FAM174B: variants seen among roughly 807,000 people sequenced by gnomAD.
FAM174B encodes family with sequence similarity 174 member B.
In FAM174B, 12 loss-of-function variants were observed where a neutral mutation model predicts 10.9. The observed-to-expected ratio is 1.10, with a 90% CI of 0.71 to 1.79. FAM174B has a LOEUF of 1.79. FAM174B is among the 40% of genes most tolerant of loss of function. The pLI, the probability that FAM174B is intolerant of heterozygous loss-of-function variation, is 0.00. For missense variants in FAM174B, 266 were observed against 233.3 expected, an observed-to-expected ratio of 1.14 and a Z score of -0.91; for synonymous variants, 132 against 115.8, an observed-to-expected ratio of 1.14 and a Z score of -0.90.
At position 92,619,213 on chromosome 15, in the gene FAM174B, G is replaced by A. The variant is rs187921753; in HGVS notation, c.*243C>T. On this transcript the variant is annotated 3_prime_UTR_variant, in exon 3 of 3. Transcript: ENST00000327355. Reference sequence around the variant, plus strand: ...TCTTACATGGGGAGTAGAAGTAGGGGGCACTTTAAAGGGATGCCCAAAGGG... The same window carrying A: ...TCTTACATGGGGAGTAGAAGTAGGGAGCACTTTAAAGGGATGCCCAAAGGG... 1.6e-5 allele frequency: 11 copies of A among 703,170 alleles called. No individual in the cohort carries two copies. Among genetic ancestry groups the A allele is most frequent in the African/African-American group, 8.7e-5 (5 of 57,362 alleles). The allele number at this position is 703,170 out of a possible 1,614,324, so 43.6% of individuals were successfully genotyped here.
At chr15:92,649,149 C>T (rs2050948089) in intron 1 of FAM174B, among the ~76,000 whole-genome samples, 1 of 152,218 alleles carries the variant, frequency 6.6e-6, no homozygotes, top group Non-Finnish European at 1.5e-5. Flanking sequence ...CAAAGACACC[C>T]ATACACAAAG....
chr15:92,637,518 C>T (rs185499605), intron 1 of FAM174B, among the ~76,000 whole-genome samples: 3 of 152,348 alleles, frequency 2.0e-5, no homozygotes, highest in Non-Finnish European at 2.9e-5. Flanking sequence ...AGGGAAACCA[C>T]CACTGTAATC....
intron 1 of FAM174B, among the ~76,000 whole-genome samples, chr15:92,647,371 G>A (rs2050935205): frequency 6.6e-6 from 1 of 152,090 alleles, no homozygotes; most frequent in South Asian, 2.1e-4. Context: ...TTTAATACAT[G>A]GCTCCCCTGT....
intron 1 of FAM174B, among the ~76,000 whole-genome samples, chr15:92,653,535 C>CAGGCCCGCATCGGGCATGG (rs2050980806): frequency 1.3e-5 from 2 of 152,258 alleles, no homozygotes; most frequent in South Asian, 4.1e-4. Flanking sequence ...TGCTGAATGG[C>CAGGCCCGCATCGGGCATGG]AGGCCCGCAT....
At chr15:92,633,877 T>C (rs1415621849) in intron 1 of FAM174B, among the ~76,000 whole-genome samples, 1 of 152,000 alleles carries the variant, frequency 6.6e-6, no homozygotes, top group Non-Finnish European at 1.5e-5. Flanking sequence ...ACCAATTCCA[T>C]CTCAACACTG....
At chr15:92,648,204 C>T (rs2050941212) in intron 1 of FAM174B, among the ~76,000 whole-genome samples, 2 of 152,214 alleles carry the variant, frequency 1.3e-5, no homozygotes, top group South Asian at 4.1e-4. Context: ...CCACCTCGGG[C>T]CCACGTTCTC....
chr15:92,653,982 G>A (rs2050984299), intron 1 of FAM174B, among the ~76,000 whole-genome samples: 1 of 152,228 alleles, frequency 6.6e-6, no homozygotes, highest in Non-Finnish European at 1.5e-5. Context: ...AGAGTGGGAA[G>A]AAGACAGGAG....
At chr15:92,640,409 G>A (rs111850677) in intron 1 of FAM174B, among the ~76,000 whole-genome samples, 23 of 151,838 alleles carry the variant, frequency 1.5e-4, no homozygotes, top group South Asian at 4.2e-4. Context: ...AAAATTAGCC[G>A]GGCATGGTGG....
rs1283450355 is a variant in FAM174B at position 92,655,414 on chromosome 15, G to A, written c.246C>T (p.Ser82=). 6.3e-7 allele frequency: 1 copy of A among 1,599,752 alleles called. No individual in the cohort carries two copies. Among genetic ancestry groups the A allele is most frequent in the African/African-American group, 1.4e-5 (1 of 72,898 alleles). Residue 82 remains serine (S), a synonymous_variant, in exon 1 of 3, where the codon TCC becomes TCT. Transcript: ENST00000327355. ...GGGTGGGTAGGTCGCGGAGGAGGAT[G>A]GAAATGCGGGTCACCAAGGCGTCGC... ...SSGDALVTRI[S]ILLRDLPTLK...
chr15:92,644,803 G>A (rs551449603), intron 1 of FAM174B, among the ~76,000 whole-genome samples: 1 of 152,344 alleles, frequency 6.6e-6, no homozygotes, highest in African/African-American at 2.4e-5. Flanking sequence ...GCGGCACCCT[G>A]CCCAGCCTAG....
In FAM174B at chr15:92,630,128, G is replaced by T. The variant is rs1454362506; in HGVS notation, c.476+86C>A. ...GACCCAACACTTCACTAAAAAACAA[G>T]AACACATGGACACCATGCCTGACCT... On this transcript the variant is annotated intron_variant, in intron 2 of 2. Coordinates refer to ENST00000327355, the MANE Select transcript of FAM174B (RefSeq NM_207446.3). 6 of 1,415,262 alleles carry T rather than the reference G, an allele frequency of 4.2e-6. No individual in the cohort carries two copies. In the Admixed American group the frequency reaches 7.2e-5, roughly 17 times the overall value. The allele number at this position is 1,415,262 out of a possible 1,614,324, so 87.7% of individuals were successfully genotyped here. A position where few individuals can be genotyped will look rare whatever the true frequency, so the allele number is the denominator to read the frequency against.
chr15:92,627,752 G>A (rs1009879814), intron 2 of FAM174B, among the ~76,000 whole-genome samples: 2 of 152,148 alleles, frequency 1.3e-5, no homozygotes, highest in Non-Finnish European at 2.9e-5. Context: ...ACCATTAAAC[G>A]CTCCCTATTG....
Position 92,618,871 on chromosome 15 carries a change from A to C in FAM174B, c.*585T>G. 1 of 223,754 alleles carries C rather than the reference A, an allele frequency of 4.5e-6. No homozygotes were observed. The allele number at this position is 223,754 out of a possible 1,614,324, so 13.9% of individuals were successfully genotyped here. On this transcript the variant is annotated 3_prime_UTR_variant, in exon 3 of 3. Transcript: ENST00000327355. Reference sequence around the variant, plus strand: ...AAAAAAAAAAGGAAGAAAGAAAAGGAGCCACAGACGTGTCCAGGTCTGGAA... The same window carrying C: ...AAAAAAAAAAGGAAGAAAGAAAAGGCGCCACAGACGTGTCCAGGTCTGGAA...
At chr15:92,631,270 AT>A (rs2050804127) in intron 1 of FAM174B, among the ~76,000 whole-genome samples, 1 of 12,648 alleles carries the variant, frequency 7.9e-5, no homozygotes, top group African/African-American at 3.2e-4. Context: ...ATTATATATT[AT>A]ATTATATATA....
At chr15:92,625,978 GA>G (rs35406012) in intron 2 of FAM174B, among the ~76,000 whole-genome samples, 37,202 of 152,130 alleles carry the variant, frequency 0.24, 5,744 homozygotes, top group Non-Finnish European at 0.35. Flanking sequence ...CAAAGCAAAA[GA>G]AGAGATAAAA....
At position 92,655,125 on chromosome 15, in the gene FAM174B, A is replaced by G; in HGVS notation, c.344+191T>C. 9.3e-6 allele frequency: 6 copies of G among 645,984 alleles called. No homozygotes were observed. The East Asian group carries it at 1.0e-4, about 11-fold the overall frequency. The allele number at this position is 645,984 out of a possible 1,614,324, so 40.0% of individuals were successfully genotyped here. A position where few individuals can be genotyped will look rare whatever the true frequency, so the allele number is the denominator to read the frequency against. On this transcript the variant is annotated intron_variant, in intron 1 of 2. Coordinates refer to ENST00000327355, the MANE Select transcript of FAM174B (RefSeq NM_207446.3). ...AGAGAGGAAAGAAAATTCCTAAAAC[A>G]TGTACCAGGAAAATCCAGACGAGCA...
chr15:92,650,567 G>T (rs1179037319), intron 1 of FAM174B, among the ~76,000 whole-genome samples: 2 of 152,168 alleles, frequency 1.3e-5, no homozygotes, highest in Non-Finnish European at 2.9e-5. Context: ...AGGTGGCAGG[G>T]TTTTCCTGAC....
chr15:92,649,458 G>C (rs1467733176), intron 1 of FAM174B, among the ~76,000 whole-genome samples: 1 of 152,212 alleles, frequency 6.6e-6, no homozygotes, highest in African/African-American at 2.4e-5. Context: ...ATGGACAGAA[G>C]CAAGACCAAA....
intron 2 of FAM174B, among the ~76,000 whole-genome samples, chr15:92,626,478 A>G (rs2050753978): frequency 6.6e-6 from 1 of 152,216 alleles, no homozygotes; most frequent in Admixed American, 6.5e-5. Context: ...AATATTTTTT[A>G]AGAGACATCA....
Sources: allele counts gnomAD v4.1 joint callset (sites outside exome capture counted in the v4.1 genomes callset), GRCh38; gene constraint gnomAD v4.1.1; transcripts MANE v1.5; gene names NCBI Gene and HGNC (gene_info 2026-07-23, HGNC 2026-07-21).